Variants in CTNND2 observed in about 807,000 individuals in gnomAD.
CTNND2 encodes the protein catenin delta 2.
Under a neutral mutation model 144.4 loss-of-function variants are expected in CTNND2, and 22 were observed. That is an observed-to-expected ratio of 0.15 (90% confidence interval 0.11 to 0.22). The LOEUF (loss-of-function observed/expected upper bound fraction) is 0.22. Ranked by LOEUF, CTNND2 falls within the 10% of genes least tolerant of loss-of-function variation. CTNND2 has a pLI of 1.00. For synonymous variants in CTNND2, 751 were observed against 695.6 expected (o/e 1.08, Z -1.25); for missense variants, 1,353 against 1,618.8 (o/e 0.84, Z 2.82).
intron 16 of CTNND2, among the ~76,000 whole-genome samples, chr5:11,027,505 A>G (rs1266498242): frequency 6.6e-6 from 1 of 152,094 alleles, no homozygotes; most frequent in African/African-American, 2.4e-5. Flanking sequence ...TACTGGTAAG[A>G]GACTACCATT....
At chr5:11,662,306 G>C (rs1333420356) in intron 2 of CTNND2, among the ~76,000 whole-genome samples, 1 of 149,428 alleles carries the variant, frequency 6.7e-6, no homozygotes, top group African/African-American at 2.5e-5. Flanking sequence ...GAGAGAGAGA[G>C]GGTTTATTAA....
At chr5:11,619,075 C>T (rs1043775795) in intron 2 of CTNND2, among the ~76,000 whole-genome samples, 3 of 152,032 alleles carry the variant, frequency 2.0e-5, no homozygotes, top group Admixed American at 2.0e-4. Flanking sequence ...TATTTACATG[C>T]ACTAAAAACA....
At chr5:11,196,897 T>C (rs2149823166) in intron 11 of CTNND2, among the ~76,000 whole-genome samples, 1 of 152,342 alleles carries the variant, frequency 6.6e-6, no homozygotes, top group South Asian at 2.1e-4. Context: ...GGTGAATTCC[T>C]TTTGCCTCAT....
intron 7 of CTNND2, among the ~76,000 whole-genome samples, chr5:11,366,365 T>C (rs1329582865): frequency 6.6e-6 from 1 of 152,174 alleles, no homozygotes; most frequent in Non-Finnish European, 1.5e-5. Flanking sequence ...ATTCTATGAA[T>C]TCAGTGTTAA....
chr5:11,093,846 A>G (rs2905998), intron 15 of CTNND2, among the ~76,000 whole-genome samples: 2,268 of 152,246 alleles, frequency 0.015, 61 homozygotes, highest in African/African-American at 0.051. Context: ...TCATCTTTTT[A>G]AAAGTAAGGA....
chr5:11,846,859 T>C (rs1240542909), intron 1 of CTNND2, among the ~76,000 whole-genome samples: 1 of 151,602 alleles, frequency 6.6e-6, no homozygotes, highest in Non-Finnish European at 1.5e-5. Context: ...ACATCACTAA[T>C]CAACAGATAA....
At chr5:11,535,018 C>G (rs1774086206) in intron 3 of CTNND2, among the ~76,000 whole-genome samples, 1 of 152,036 alleles carries the variant, frequency 6.6e-6, no homozygotes, top group South Asian at 2.1e-4. Flanking sequence ...GAAACACGTT[C>G]TCTACTAAAA....
chr5:11,255,238 A>C (rs1345905346), intron 9 of CTNND2, among the ~76,000 whole-genome samples: 2 of 152,234 alleles, frequency 1.3e-5, no homozygotes, highest in Non-Finnish European at 2.9e-5. Flanking sequence ...TGGGGAAAAA[A>C]AACTCACTTC....
At chr5:11,325,179 G>A (rs1388283239) in intron 9 of CTNND2, among the ~76,000 whole-genome samples, 1 of 152,052 alleles carries the variant, frequency 6.6e-6, no homozygotes, top group Non-Finnish European at 1.5e-5. Flanking sequence ...GTAAAATTGA[G>A]ATTATGAAGC....
intron 8 of CTNND2, among the ~76,000 whole-genome samples, chr5:11,360,334 C>A (rs1756321980): frequency 6.6e-6 from 1 of 152,022 alleles, no homozygotes; most frequent in Non-Finnish European, 1.5e-5. Context: ...TTTTTCTGGT[C>A]TTCTCTGTGC....
intron 5 of CTNND2, among the ~76,000 whole-genome samples, chr5:11,401,560 G>T (rs1476546371): frequency 6.6e-6 from 1 of 152,198 alleles, no homozygotes; most frequent in African/African-American, 2.4e-5. Flanking sequence ...AGATGATGAT[G>T]ACAAAGATGA....
At chr5:11,789,926 C>A (rs961947409) in intron 1 of CTNND2, among the ~76,000 whole-genome samples, 2 of 152,126 alleles carry the variant, frequency 1.3e-5, no homozygotes, top group Non-Finnish European at 2.9e-5. Context: ...GGGTATTACA[C>A]GTTATCAAAT....
intron 16 of CTNND2, among the ~76,000 whole-genome samples, chr5:11,081,060 CAT>C (rs1268515338): frequency 4.2e-5 from 5 of 120,012 alleles, no homozygotes; most frequent in East Asian, 2.4e-4. Context: ...CTGAGCAACA[CAT>C]GAGACCCTGT....
At chr5:11,490,603 C>A (rs1769295024) in intron 3 of CTNND2, among the ~76,000 whole-genome samples, 1 of 152,082 alleles carries the variant, frequency 6.6e-6, no homozygotes, top group Non-Finnish European at 1.5e-5. Context: ...ATAAAAAGAA[C>A]ATGCACCTGT....
At chr5:10,982,413 T>C (rs1737401260) in intron 20 of CTNND2, among the ~76,000 whole-genome samples, 2 of 152,254 alleles carry the variant, frequency 1.3e-5, no homozygotes, top group African/African-American at 4.8e-5. Context: ...CACTCTGTTG[T>C]CTGGCTTGCC....
chr5:11,794,185 A>G (rs1791283212), intron 1 of CTNND2, among the ~76,000 whole-genome samples: 1 of 152,196 alleles, frequency 6.6e-6, no homozygotes, highest in African/African-American at 2.4e-5. Context: ...TCTCTTCCCT[A>G]AGGAATTTTA....
rs1215343540 is a variant in CTNND2, at chr5:11,903,981, G to C, written c.-128C>G. 6.3e-6 allele frequency: 7 copies of C among 1,119,144 alleles called. No homozygotes were observed. Among genetic ancestry groups the C allele is most frequent in the Admixed American group, 4.4e-5 (1 of 22,846 alleles). The allele number at this position is 1,119,144 out of a possible 1,614,324, so 69.3% of individuals were successfully genotyped here. A position where few individuals can be genotyped will look rare whatever the true frequency, so the allele number is the denominator to read the frequency against. On this transcript the variant is annotated 5_prime_UTR_variant, in exon 1 of 22. Coordinates refer to ENST00000304623, the MANE Select transcript of CTNND2 (RefSeq NM_001332.4). The surrounding 1 kb of genome is among the most constrained non-coding windows in gnomAD (Gnocchi z 5.4). The stretch of plus-strand genomic sequence containing the variant: ...GCTTTTGTTGTCTGAGCGCGGCCGC[G>C]GGACAAGGGATGCTGGCGGGCGGCA...
At chr5:11,263,344 G>A (rs537476540) in intron 9 of CTNND2, among the ~76,000 whole-genome samples, 2 of 152,100 alleles carry the variant, frequency 1.3e-5, no homozygotes, top group Non-Finnish European at 2.9e-5. Flanking sequence ...CCAAGGAAAT[G>A]ATTAAAGAAT....
intron 1 of CTNND2, among the ~76,000 whole-genome samples, chr5:11,733,320 T>C (rs1188608630): frequency 2.0e-5 from 3 of 152,000 alleles, no homozygotes; most frequent in Admixed American, 1.3e-4. Flanking sequence ...GATAGTGTAG[T>C]AGATAGTGTC....
Sources: gnomAD v4.1 joint callset for allele counts (sites outside exome capture counted in the v4.1 genomes callset) on GRCh38, gnomAD v4.1.1 for gene constraint, Gnocchi (gnomAD v3.1) non-coding constraint, MANE v1.5 for transcripts, NCBI Gene and HGNC (gene_info 2026-07-23, HGNC 2026-07-21) for gene names.